The following ATP6V0B variants were observed in gnomAD, a reference collection of about 807,000 sequenced individuals.
ATP6V0B encodes the protein V-type proton ATPase 21 kDa proteolipid subunit c''.
Under a neutral mutation model 26.2 loss-of-function variants are expected in ATP6V0B, and 4 were observed. The ratio of observed to expected loss-of-function variants is 0.15; its 90% CI spans 0.08 to 0.35. ATP6V0B has a LOEUF of 0.35. Ranked by LOEUF, ATP6V0B falls within the 10% of genes least tolerant of loss-of-function variation. The pLI is 1.00. For missense variants in ATP6V0B, 175 were observed against 272.5 expected, an observed-to-expected ratio of 0.64 and a Z score of 2.52; for synonymous variants, 110 against 105.8, an observed-to-expected ratio of 1.04 and a Z score of -0.24.
Position 43,977,630 on chromosome 1 carries a change from G to A in ATP6V0B, c.592-351G>A, listed in dbSNP as rs1571796876. ...ATGTGTATCTCCCTCTCACATGCCT[G>A]TCAGTAGGACACCATTGTCTAAATT... On this transcript the variant is annotated intron_variant, in intron 7 of 7. Transcript: ENST00000472174. The A allele has an allele frequency of 7.0e-6, 10 of 1,420,116 alleles. 1 individual carries two copies. In the East Asian group the frequency reaches 2.5e-4, roughly 36 times the overall value. 88.0% of individuals were successfully genotyped at this position (1,420,116 alleles called of 1,614,324 possible).
intron 7 of ATP6V0B, 118 bp from the exon 8 acceptor site, chr1:43,977,863 T>A: frequency 1.2e-6 from 2 of 1,609,608 alleles, no homozygotes; most frequent in South Asian, 1.1e-5. Context: ...TCCTGGTTAG[T>A]CATATATCTC....
intron 7 of ATP6V0B, 158 bp from the exon 8 acceptor site, chr1:43,977,823 C>G (rs905960769): frequency 2.5e-6 from 4 of 1,576,252 alleles, no homozygotes; most frequent in Non-Finnish European, 3.4e-6. Flanking sequence ...TTGTCTGTCC[C>G]TGTCTGCCTT....
intron 1 of ATP6V0B, 43 bp from the exon 2 acceptor site, chr1:43,975,757 A>G (rs995859519): frequency 1.3e-6 from 2 of 1,587,156 alleles, no homozygotes; most frequent in African/African-American, 2.7e-5. Context: ...ACTTCTCTCT[A>G]CCGAGCAGCC....
rs2085529956 is a variant in ATP6V0B, at chr1:43,977,220, ATG to A, written c.591+5_591+6del. The A allele has an allele frequency of 6.2e-7, 1 of 1,614,056 alleles. No homozygotes were observed. Among genetic ancestry groups the A allele is most frequent in the African/African-American group, 1.3e-5 (1 of 74,934 alleles). On this transcript the variant is annotated splice_donor_5th_base_variant and intron_variant, in intron 7 of 7. Transcript: ENST00000472174. ...GGTCATCGTCGCAATTCTTCAGGTG[ATG>A]AATCCCCTTGGGAAGCCTCTGTGTC... is the stretch of plus-strand genomic sequence containing the variant.
rs771724220 is a variant in ATP6V0B, at chr1:43,976,833, A to G, written c.400+9A>G. On this transcript the variant is annotated intron_variant, in intron 6 of 7. Coordinates refer to ENST00000472174, the MANE Select transcript of ATP6V0B (RefSeq NM_004047.5). This position sits in a 1 kb window ranked among gnomAD's most constrained non-coding sequence, Gnocchi z 4.6. ...TCGGAACTACCATGCAGGTGGGTGG[A>G]TGGGCGTATGAATGCAAAATGCTGG... The G allele has an allele frequency of 4.3e-6, 7 of 1,614,018 alleles. No homozygotes were observed. In the South Asian group the frequency reaches 5.5e-5, roughly 13 times the overall value.
intron 7 of ATP6V0B, chr1:43,977,502 C>T (rs2085535109): frequency 1.6e-5 from 23 of 1,430,138 alleles, no homozygotes; most frequent in Non-Finnish European, 2.1e-5. Context: ...TTTTATCTGC[C>T]ATGCTTTTCA....
At position 43,976,956 on chromosome 1, in the gene ATP6V0B, A is replaced by T; in HGVS notation, c.401-70A>T. 1.2e-6 allele frequency: 2 copies of T among 1,600,956 alleles called. No homozygotes were observed. The highest frequency in any genetic ancestry group is 1.1e-5 in the South Asian group (1 of 90,366). ...TCTGCTTTGCAGAGTGGGGATGGTG[A>T]TTGGCCCCATTAGCCCATATCTCCC... On this transcript the variant is annotated intron_variant, in intron 6 of 7. Transcript: ENST00000472174. This position sits in a 1 kb window ranked among gnomAD's most constrained non-coding sequence, Gnocchi z 4.6.
Position 43,974,995 on chromosome 1 carries a change from T to C in ATP6V0B, c.-46T>C. The C allele has an allele frequency of 8.0e-7, 1 of 1,250,148 alleles. No individual in the cohort carries two copies. Among genetic ancestry groups the C allele is most frequent in the Non-Finnish European group, 1.0e-6 (1 of 990,354 alleles). 77.4% of individuals were successfully genotyped at this position (1,250,148 alleles called of 1,614,324 possible). ...ACGGACGGTGGACGCTGGGACGCGT[T>C]TGTAGCTCCGGCCCCGCCGTTCCGA... On this transcript the variant is annotated 5_prime_UTR_variant, in exon 1 of 8. Transcript: ENST00000472174.
At chr1:43,975,232 A>T in intron 1 of ATP6V0B, 125 bp downstream of exon 1, 1 of 1,196,620 alleles carries the variant, frequency 8.4e-7, no homozygotes, top group Non-Finnish European at 1.2e-6. Flanking sequence ...GGCTCTGGGG[A>T]CTTGCGCCTG....
chr1:43,975,005 G>A lies in ATP6V0B; in HGVS notation c.-36G>A, dbSNP rs886311215. On this transcript the variant is annotated 5_prime_UTR_variant, in exon 1 of 8. Coordinates refer to ENST00000472174, the MANE Select transcript of ATP6V0B (RefSeq NM_004047.5). ...GACGCTGGGACGCGTTTGTAGCTCCGGCCCCGCCGTTCCGACCCCCGCCGC... is the reference window on the plus strand; with the variant it reads ...GACGCTGGGACGCGTTTGTAGCTCCAGCCCCGCCGTTCCGACCCCCGCCGC... The A allele has an allele frequency of 3.2e-6, 4 of 1,259,276 alleles. No homozygotes were observed. The highest frequency in any genetic ancestry group is 2.0e-6 in the Non-Finnish European group (2 of 998,438). The allele number at this position is 1,259,276 out of a possible 1,614,324, so 78.0% of individuals were successfully genotyped here. A position where few individuals can be genotyped will look rare whatever the true frequency, so the allele number is the denominator to read the frequency against.
At chr1:43,977,719 G>T in intron 7 of ATP6V0B, 1 of 1,438,018 alleles carries the variant, frequency 7.0e-7, no homozygotes, top group Non-Finnish European at 9.1e-7. Context: ...GAGGGTCTGA[G>T]TGTGACTGTG....
At position 43,976,108 on chromosome 1, in the gene ATP6V0B, G is replaced by T. The variant is rs1379763709; in HGVS notation, c.135G>T (p.Ser45=). Residue 45 remains serine (S), a synonymous_variant, in exon 3 of 8, where the codon TCG becomes TCT. Transcript: ENST00000472174. This position sits in a 1 kb window ranked among gnomAD's most constrained non-coding sequence, Gnocchi z 4.6. ...ACAACAGGTTCCTGACGGAGACTTC[G>T]CCCTTCATGTGGTCCAACCTGGGCA... ...FDVAWFLTET[S]PFMWSNLGIG... The T allele has an allele frequency of 1.2e-6, 2 of 1,614,062 alleles. No individual in the cohort carries two copies. Among genetic ancestry groups the T allele is most frequent in the African/African-American group, 2.7e-5 (2 of 75,010 alleles).
chr1:43,975,369 AC>A (rs1045136247), intron 1 of ATP6V0B: 4 of 569,260 alleles, frequency 7.0e-6, no homozygotes, highest in Admixed American at 6.8e-5. Context: ...CCTCGCTCCC[AC>A]GTCTCACTGC....
chr1:43,976,541 C>A lies in ATP6V0B; in HGVS notation c.279-49C>A. ...TGGGCAGGAAGGACGGTTTCTTTCT[C>A]ATTTCTTTCTCCTTTCCACTCCTTA... On this transcript the variant is annotated intron_variant, in intron 4 of 7. Coordinates refer to ENST00000472174, the MANE Select transcript of ATP6V0B (RefSeq NM_004047.5). This position sits in a 1 kb window ranked among gnomAD's most constrained non-coding sequence, Gnocchi z 4.6. 11 of 1,602,966 alleles carry A rather than the reference C, an allele frequency of 6.9e-6. No homozygotes were observed. The highest frequency in any genetic ancestry group is 9.4e-6 in the Non-Finnish European group (11 of 1,170,220).
At position 43,975,338 on chromosome 1, in the gene ATP6V0B, C is replaced by G. The variant is rs2085505928; in HGVS notation, c.67+231C>G. On this transcript the variant is annotated intron_variant, in intron 1 of 7. Coordinates refer to ENST00000472174, the MANE Select transcript of ATP6V0B (RefSeq NM_004047.5). ...GGCCGCGAGGGCAGCACTCCCCCGT[C>G]CTGCCACTATCGCTGTCTCCCCTCG... is the stretch of plus-strand genomic sequence containing the variant. 1.3e-5 allele frequency: 8 copies of G among 597,410 alleles called. 1 individual carries two copies. In the East Asian group the frequency reaches 2.6e-4, roughly 19 times the overall value. The allele number at this position is 597,410 out of a possible 1,614,324, so 37.0% of individuals were successfully genotyped here.
chr1:43,976,808 T>G lies in ATP6V0B; in HGVS notation c.384T>G (p.His128Gln). ...CCACAGACCCCAAGGCCATCGGCCA[T>G]CGGAACTACCATGCAGGTGGGTGGA... is the stretch of plus-strand genomic sequence containing the variant. ...FSATDPKAIGHRNYHAGYSMF... is the reference protein window; with the variant it reads ...FSATDPKAIGQRNYHAGYSMF... Residue 128 changes from histidine to glutamine, a missense_variant, in exon 6 of 8, where the codon CAT becomes CAG. His to Gln is a conservative substitution (Grantham distance 24). Transcript: ENST00000472174. This position sits in a 1 kb window ranked among gnomAD's most constrained non-coding sequence, Gnocchi z 4.6. 1 of 1,614,222 alleles carries G rather than the reference T, an allele frequency of 6.2e-7. No individual in the cohort carries two copies. The highest frequency in any genetic ancestry group is 1.1e-5 in the South Asian group (1 of 91,088).
In ATP6V0B at chr1:43,976,283, T is replaced by C; in HGVS notation, c.201-19T>C. Reference sequence around the variant, plus strand: ...TGACAGCTTGGGCTCTGCTCATCAGTTTTTTATCCTTCCACCAGGGGCATC... The same window carrying C: ...TGACAGCTTGGGCTCTGCTCATCAGCTTTTTATCCTTCCACCAGGGGCATC... On this transcript the variant is annotated intron_variant, in intron 3 of 7. Transcript: ENST00000472174. The surrounding 1 kb of genome is among the most constrained non-coding windows in gnomAD (Gnocchi z 4.6). 1 of 1,612,990 alleles carries C rather than the reference T, an allele frequency of 6.2e-7. No homozygotes were observed. The highest frequency in any genetic ancestry group is 8.5e-7 in the Non-Finnish European group (1 of 1,179,242).
intron 7 of ATP6V0B, 147 bp from the exon 8 acceptor site, chr1:43,977,834 G>T: frequency 6.3e-7 from 1 of 1,587,258 alleles, no homozygotes; most frequent in Non-Finnish European, 8.6e-7. Context: ...TGTCTGCCTT[G>T]TCTGTCACAG....
Position 43,974,988 on chromosome 1 carries a change from G to A in ATP6V0B, c.-53G>A. 1 of 1,231,450 alleles carries A rather than the reference G, an allele frequency of 8.1e-7. No individual in the cohort carries two copies. The highest frequency in any genetic ancestry group is 4.2e-5 in the Admixed American group (1 of 23,854). The allele number at this position is 1,231,450 out of a possible 1,614,324, so 76.3% of individuals were successfully genotyped here. A position where few individuals can be genotyped will look rare whatever the true frequency, so the allele number is the denominator to read the frequency against. ...CTGCGGGACGGACGGTGGACGCTGG[G>A]ACGCGTTTGTAGCTCCGGCCCCGCC... On this transcript the variant is annotated 5_prime_UTR_variant, in exon 1 of 8. Coordinates refer to ENST00000472174, the MANE Select transcript of ATP6V0B (RefSeq NM_004047.5).
Sources: gnomAD v4.1 joint callset for allele counts on GRCh38, gnomAD v4.1.1 for gene constraint, Gnocchi (gnomAD v3.1) non-coding constraint, MANE v1.5 for transcripts, NCBI Gene and HGNC (gene_info 2026-07-23, HGNC 2026-07-21) for gene names.